Variants in EFNB2 observed in about 807,000 individuals in gnomAD.
The protein encoded by EFNB2 is ephrin B2, also known as ephrin-B2.
In EFNB2, 5 loss-of-function variants were observed where a neutral mutation model predicts 32.1. That is an observed-to-expected ratio of 0.16 (90% confidence interval 0.08 to 0.33). EFNB2 has a LOEUF of 0.33. Ranked by LOEUF, EFNB2 falls within the 10% of genes least tolerant of loss-of-function variation. The probability of loss-of-function intolerance (pLI) is 1.00; values close to 1 mark genes in which losing one functional copy is unlikely to be tolerated. For synonymous variants in EFNB2, 168 were observed against 166.5 expected (o/e 1.01, Z -0.07); for missense variants, 263 against 422.6 (o/e 0.62, Z 3.31).
chr13:106,501,838 C>T (rs1051674043), intron 2 of EFNB2, among the ~76,000 whole-genome samples: 23 of 152,138 alleles, frequency 1.5e-4, no homozygotes, highest in African/African-American at 4.8e-4. Context: ...GTGATCCGCC[C>T]GCCTCGGCCT....
At chr13:106,534,157 T>TA (rs1373806338) in intron 1 of EFNB2, among the ~76,000 whole-genome samples, 2 of 152,106 alleles carry the variant, frequency 1.3e-5, no homozygotes, top group African/African-American at 4.8e-5. Flanking sequence ...GCTACCGGCT[T>TA]ATGAACGAAG....
chr13:106,534,836 C>T lies in EFNB2; in HGVS notation c.122+7G>A. On this transcript the variant is annotated splice_region_variant and intron_variant, in intron 1 of 4. Coordinates refer to ENST00000646441, the MANE Select transcript of EFNB2 (RefSeq NM_004093.4). ...GGGGACATAGGGGGATCGCGGACGC[C>T]ACTTACTTGGAGTTCGAGGAATTCC... The T allele has an allele frequency of 6.2e-7, 1 of 1,610,280 alleles. No individual in the cohort carries two copies. Among genetic ancestry groups the T allele is most frequent in the Non-Finnish European group, 8.5e-7 (1 of 1,178,306 alleles).
In EFNB2 at chr13:106,494,911, T is replaced by C. The variant is rs1878537400; in HGVS notation, c.583A>G (p.Thr195Ala). The change falls in exon 4 of 5, where the codon ACA (threonine) becomes GCA (alanine). Residue 195 changes from threonine to alanine, a missense_variant. By Grantham distance (58) the Thr-to-Ala change is moderately conservative. Coordinates refer to ENST00000646441, the MANE Select transcript of EFNB2 (RefSeq NM_004093.4). ...LEAGTNGRSS[T>A]TSPFVKPNPG... is the part of the protein sequence containing the mutation. ...TTTGGTTTTACAAAGGGACTTGTTG[T>C]CGAACTTCTTCCATTTGTACCAGCT... The C allele has an allele frequency of 1.2e-6, 2 of 1,614,080 alleles. No homozygotes were observed. The highest frequency in any genetic ancestry group is 1.3e-5 in the African/African-American group (1 of 74,942).
intron 1 of EFNB2, chr13:106,521,219 C>T (rs1879507632): frequency 8.7e-6 from 1 of 115,052 alleles, no homozygotes; most frequent in South Asian, 2.7e-4. Context: ...AGAGCAAAGA[C>T]TAGATGGGTG....
In EFNB2 at chr13:106,490,799, C is replaced by T. The variant is rs2138891750; in HGVS notation, c.*2241G>A. 1 of 152,168 alleles carries T rather than the reference C, an allele frequency of 6.6e-6. No individual in the cohort carries two copies. The highest frequency in any genetic ancestry group is 1.5e-5 in the Non-Finnish European group (1 of 67,932). The allele number at this position is 152,168 out of a possible 1,614,324, so 9.4% of individuals were successfully genotyped here. On this transcript the variant is annotated 3_prime_UTR_variant, in exon 5 of 5. Coordinates refer to ENST00000646441, the MANE Select transcript of EFNB2 (RefSeq NM_004093.4). The stretch of plus-strand genomic sequence containing the variant: ...TTATACATATATGTACACATGTATA[C>T]CACGCACCCACTCACACATACACAC...
intron 1 of EFNB2, among the ~76,000 whole-genome samples, chr13:106,525,233 G>C (rs564460535): frequency 1.3e-5 from 2 of 152,280 alleles, no homozygotes; most frequent in African/African-American, 4.8e-5. Context: ...TAAGGCTACT[G>C]CTCCTAAAGC....
intron 3 of EFNB2, among the ~76,000 whole-genome samples, chr13:106,495,455 T>C (rs954329663): frequency 1.3e-5 from 2 of 151,918 alleles, no homozygotes; most frequent in African/African-American, 4.8e-5. Context: ...CAAAGTGTTT[T>C]GCTTTTTAAA....
chr13:106,498,278 A>C (rs1878657226), intron 2 of EFNB2, among the ~76,000 whole-genome samples: 1 of 152,222 alleles, frequency 6.6e-6, no homozygotes, highest in Non-Finnish European at 1.5e-5. Flanking sequence ...AAAACAATTA[A>C]ATGAGTATCA....
chr13:106,506,988 G>A (rs1878974137), intron 2 of EFNB2, among the ~76,000 whole-genome samples: 1 of 152,126 alleles, frequency 6.6e-6, no homozygotes, highest in Non-Finnish European at 1.5e-5. Flanking sequence ...TGGTGGTGCT[G>A]TATCCCCCAA....
At chr13:106,527,984 G>A (rs987454535) in intron 1 of EFNB2, among the ~76,000 whole-genome samples, 1 of 152,202 alleles carries the variant, frequency 6.6e-6, no homozygotes, top group Non-Finnish European at 1.5e-5. Context: ...GAGGCAGCAA[G>A]CTTGCTGGAC....
At chr13:106,496,918 A>C (rs1239779837) in intron 2 of EFNB2, among the ~76,000 whole-genome samples, 2 of 152,232 alleles carry the variant, frequency 1.3e-5, no homozygotes, top group Non-Finnish European at 2.9e-5. Flanking sequence ...GGGGCAAGGA[A>C]CAAAAGTGTT....
Position 106,495,498 on chromosome 13 carries a change from T to TC in EFNB2, c.499+249_499+250insG, listed in dbSNP as rs759156157. Among the ~76,000 whole-genome samples the TC allele has an allele frequency of 9.8e-3, 1,419 of 144,844 alleles. 15 individuals carry two copies. Among genetic ancestry groups the TC allele is most frequent in the African/African-American group, 0.029 (1,016 of 35,130 alleles). Reference sequence around the variant, plus strand: ...ATCTATCTATCTATCTATCTATCTATTATCTATCTATCTATCTATCTATCT... The same window carrying TC: ...ATCTATCTATCTATCTATCTATCTATCTATCTATCTATCTATCTATCTATCT... On this transcript the variant is annotated intron_variant, in intron 3 of 4. Transcript: ENST00000646441.
At position 106,535,066 on chromosome 13, in the gene EFNB2, G is replaced by A. The variant is rs1366308110; in HGVS notation, c.-102C>T. The A allele has an allele frequency of 6.7e-7, 1 of 1,496,210 alleles. No homozygotes were observed. The highest frequency in any genetic ancestry group is 8.9e-7 in the Non-Finnish European group (1 of 1,120,664). 92.7% of individuals were successfully genotyped at this position (1,496,210 alleles called of 1,614,324 possible). A position where few individuals can be genotyped will look rare whatever the true frequency, so the allele number is the denominator to read the frequency against. ...CCGGGGCAGACTGGCGGGGAAGACG[G>A]CGTGCGCCCGCAGGCAGCTCCGAGG... On this transcript the variant is annotated 5_prime_UTR_variant, in exon 1 of 5. Coordinates refer to ENST00000646441, the MANE Select transcript of EFNB2 (RefSeq NM_004093.4).
chr13:106,510,337 T>C (rs543829001), intron 2 of EFNB2: 9 of 152,394 alleles, frequency 5.9e-5, no homozygotes, highest in Admixed American at 5.2e-4. Flanking sequence ...AAAGAGATGT[T>C]GGTAAACAAT....
Position 106,498,655 on chromosome 13 carries a change from T to A in EFNB2, c.407-2815A>T, listed in dbSNP as rs1444424627. On this transcript the variant is annotated intron_variant, in intron 2 of 4. Transcript: ENST00000646441. ...CCTTTAAGAGTGAAAACTTTTTTAT[T>A]TCTTGGTTTAAAAAAAAAGTGTGTG... Among the ~76,000 whole-genome samples the A allele has an allele frequency of 2.6e-5, 4 of 152,298 alleles. No homozygotes were observed. The East Asian group carries it at 7.7e-4, about 29-fold the overall frequency.
In EFNB2 at chr13:106,535,081, C is replaced by G; in HGVS notation, c.-117G>C. 7.0e-7 allele frequency: 1 copy of G among 1,432,268 alleles called. No homozygotes were observed. Among genetic ancestry groups the G allele is most frequent in the South Asian group, 1.3e-5 (1 of 74,930 alleles). 88.7% of individuals were successfully genotyped at this position (1,432,268 alleles called of 1,614,324 possible). A position where few individuals can be genotyped will look rare whatever the true frequency, so the allele number is the denominator to read the frequency against. On this transcript the variant is annotated 5_prime_UTR_variant, in exon 1 of 5. Coordinates refer to ENST00000646441, the MANE Select transcript of EFNB2 (RefSeq NM_004093.4). ...GGGGAAGACGGCGTGCGCCCGCAGG[C>G]AGCTCCGAGGCGCGCTGCGCAGCTC...
At chr13:106,526,976 G>A (rs761830148) in intron 1 of EFNB2, among the ~76,000 whole-genome samples, 3 of 152,130 alleles carry the variant, frequency 2.0e-5, no homozygotes, top group Non-Finnish European at 2.9e-5. Context: ...AGACAATAAG[G>A]AGCTGCACCC....
In EFNB2 at chr13:106,535,175, G is replaced by T. The variant is rs1328089317; in HGVS notation, c.-211C>A. 2 of 240,752 alleles carry T rather than the reference G, an allele frequency of 8.3e-6. No individual in the cohort carries two copies. The highest frequency in any genetic ancestry group is 2.3e-5 in the African/African-American group (1 of 42,598). 14.9% of individuals were successfully genotyped at this position (240,752 alleles called of 1,614,324 possible). On this transcript the variant is annotated 5_prime_UTR_variant, in exon 1 of 5. Coordinates refer to ENST00000646441, the MANE Select transcript of EFNB2 (RefSeq NM_004093.4). ...GGGCGCGGGGCGGGAGCGCACGCGCGGGGCGCGGCGGCGCGGCGGACTCGG... is the reference window on the plus strand; with the variant it reads ...GGGCGCGGGGCGGGAGCGCACGCGCTGGGCGCGGCGGCGCGGCGGACTCGG...
intron 1 of EFNB2, among the ~76,000 whole-genome samples, chr13:106,513,066 A>G (rs1031731370): frequency 1.3e-5 from 2 of 152,174 alleles, no homozygotes; most frequent in South Asian, 4.1e-4. Flanking sequence ...ACCTGCTGAC[A>G]TTTCTTTACC....
Sources: gnomAD v4.1 joint callset for allele counts (sites outside exome capture counted in the v4.1 genomes callset) on GRCh38, gnomAD v4.1.1 for gene constraint, MANE v1.5 for transcripts, NCBI Gene and HGNC (gene_info 2026-07-23, HGNC 2026-07-21) for gene names.